The following DENND2B variants were observed in gnomAD, a reference collection of about 807,000 sequenced individuals.
DENND2B encodes DENN domain containing 2B, also known as DENN domain-containing protein 2B.
DENND2B carries 32 observed loss-of-function variants against 116.0 expected under a neutral mutation model. That is an observed-to-expected ratio of 0.28 (90% CI 0.21 to 0.37). DENND2B has a LOEUF of 0.37. Ranked by LOEUF, DENND2B falls within the 10% of genes least tolerant of loss-of-function variation. The probability of loss-of-function intolerance (pLI) is 1.00; values close to 1 mark genes in which losing one functional copy is unlikely to be tolerated. For synonymous variants in DENND2B, 588 were observed against 583.9 expected (o/e 1.01, Z -0.10); for missense variants, 1,276 against 1,477.7 (o/e 0.86, Z 2.24).
chr11:8,708,614 G>A (rs2043026827), intron 11 of DENND2B, among the ~76,000 whole-genome samples: 1 of 152,180 alleles, frequency 6.6e-6, no homozygotes, highest in Non-Finnish European at 1.5e-5. Flanking sequence ...ACACTGGGTA[G>A]AGGTTTGCTA....
intron 1 of DENND2B, among the ~76,000 whole-genome samples, chr11:8,886,498 C>T (rs1401020898): frequency 6.6e-6 from 1 of 151,710 alleles, no homozygotes; most frequent in African/African-American, 2.4e-5. Flanking sequence ...TGAAATTGTG[C>T]CAAGGCTACA....
chr11:8,838,398 G>A (rs565808658), intron 4 of DENND2B, among the ~76,000 whole-genome samples: 1 of 152,162 alleles, frequency 6.6e-6, no homozygotes, highest in East Asian at 1.9e-4. Flanking sequence ...CCGAACTCAC[G>A]TCCACCGCTC....
chr11:8,695,334 T>A, intron 19 of DENND2B, 129 bp downstream of exon 19: 1 of 862,762 alleles, frequency 1.2e-6, no homozygotes, highest in Non-Finnish European at 1.9e-6. Context: ...ATGGGATGTC[T>A]ACATCCTGTT....
At chr11:8,757,154 C>G (rs891906372) in intron 1 of DENND2B, 1 of 452,744 alleles carries the variant, frequency 2.2e-6, no homozygotes, top group African/African-American at 2.0e-5. Flanking sequence ...CTGACAACTG[C>G]TAGTTATGTG....
chr11:8,869,972 A>G (rs2063719766), intron 2 of DENND2B, among the ~76,000 whole-genome samples: 1 of 152,196 alleles, frequency 6.6e-6, no homozygotes, highest in Admixed American at 6.5e-5. Flanking sequence ...TCTGAAAAAT[A>G]TTAAAACAAA....
At position 8,707,030 on chromosome 11, in the gene DENND2B, G is replaced by A; in HGVS notation, c.2571+55C>T. On this transcript the variant is annotated intron_variant, in intron 13 of 19. Transcript: ENST00000313726. The surrounding 1 kb of genome is among the most constrained non-coding windows in gnomAD (Gnocchi z 4.8). ...AAAGACTACGACCTTGGCCAGCATG[G>A]TCCTCCTGCCACCCCAGCCCGTAGC... 6.4e-7 allele frequency: 1 copy of A among 1,574,578 alleles called. No homozygotes were observed. Among genetic ancestry groups the A allele is most frequent in the Admixed American group, 1.7e-5 (1 of 57,390 alleles).
At chr11:8,776,054 C>T (rs748930811) in intron 1 of DENND2B, 69 of 352,730 alleles carry the variant, frequency 2.0e-4, no homozygotes, top group Admixed American at 7.7e-5. Context: ...TCTTCCTTCC[C>T]TCTTCAGCCA....
chr11:8,710,532 G>A (rs1057202676), intron 11 of DENND2B, among the ~76,000 whole-genome samples: 2 of 151,790 alleles, frequency 1.3e-5, no homozygotes, highest in African/African-American at 4.8e-5. Context: ...TGATCCCAAG[G>A]GAAATGACGA....
Position 8,702,484 on chromosome 11 carries a change from G to A in DENND2B, c.2720+88C>T, listed in dbSNP as rs1433047168. Reference sequence around the variant, plus strand: ...CCCCACTCCAGCACTGGTCTCCGGCGCCTGCTTAGGCTCCTGAACACTTGC... The same window carrying A: ...CCCCACTCCAGCACTGGTCTCCGGCACCTGCTTAGGCTCCTGAACACTTGC... On this transcript the variant is annotated intron_variant, in intron 14 of 19. Transcript: ENST00000313726. This position sits in a 1 kb window ranked among gnomAD's most constrained non-coding sequence, Gnocchi z 4.6. 7.6e-6 allele frequency: 12 copies of A among 1,570,118 alleles called. No individual in the cohort carries two copies. The Admixed American group carries it at 1.2e-4, about 16-fold the overall frequency.
At chr11:8,710,990 A>AT (rs772532079) in intron 10 of DENND2B, 76 bp from the exon 11 acceptor site, 1 of 1,588,730 alleles carries the variant, frequency 6.3e-7, no homozygotes, top group South Asian at 1.1e-5. Context: ...AGGGACCGTC[A>AT]TTTTCACGTG....
intron 1 of DENND2B, among the ~76,000 whole-genome samples, chr11:8,793,440 T>G (rs1204398179): frequency 6.6e-6 from 1 of 152,242 alleles, no homozygotes; most frequent in African/African-American, 2.4e-5. Flanking sequence ...TCACAAAATA[T>G]TTGTGCTTTT....
intron 2 of DENND2B, among the ~76,000 whole-genome samples, chr11:8,863,346 T>TCCCAGGTTCACACCATCCTCCTGC (rs543669262): frequency 2.5e-5 from 2 of 81,266 alleles, no homozygotes; most frequent in African/African-American, 9.0e-5. Context: ...AAGCTCCACC[T>TCCCAGGTTCACACCATCCTCCTGC]CTCAGCCTCC....
chr11:8,833,631 G>A (rs1219777354), intron 4 of DENND2B, among the ~76,000 whole-genome samples: 2 of 152,086 alleles, frequency 1.3e-5, no homozygotes, highest in Non-Finnish European at 2.9e-5. Context: ...GATAACAGGA[G>A]GCACAGAGTT....
At chr11:8,838,482 A>G (rs2062512790) in intron 4 of DENND2B, among the ~76,000 whole-genome samples, 1 of 152,240 alleles carries the variant, frequency 6.6e-6, no homozygotes, top group Non-Finnish European at 1.5e-5. Flanking sequence ...GAATCAAAAC[A>G]GTTTACTGCA....
chr11:8,773,986 A>G (rs1183321834), intron 1 of DENND2B: 1 of 412,524 alleles, frequency 2.4e-6, no homozygotes, highest in Non-Finnish European at 3.3e-6. Flanking sequence ...CTCTGCCTCT[A>G]CCAGCTATGA....
At chr11:8,722,778 C>T (rs1021327790) in intron 4 of DENND2B, among the ~76,000 whole-genome samples, 1 of 152,170 alleles carries the variant, frequency 6.6e-6, no homozygotes, top group Non-Finnish European at 1.5e-5. Context: ...CACCACCCCA[C>T]GAGGCCAAAG....
At chr11:8,877,258 C>T (rs1417522614) in intron 2 of DENND2B, among the ~76,000 whole-genome samples, 2 of 151,910 alleles carry the variant, frequency 1.3e-5, no homozygotes, top group Admixed American at 6.5e-5. Context: ...TGCCCACCAC[C>T]ATGCCCAGCT....
intron 2 of DENND2B, among the ~76,000 whole-genome samples, chr11:8,865,506 G>C (rs965550381): frequency 1.3e-5 from 2 of 152,062 alleles, no homozygotes; most frequent in African/African-American, 4.8e-5. Context: ...AGCTCAGCTT[G>C]TTTAGCCAGA....
chr11:8,844,471 T>C (rs970859986), intron 3 of DENND2B, among the ~76,000 whole-genome samples: 2 of 152,196 alleles, frequency 1.3e-5, no homozygotes, highest in Non-Finnish European at 2.9e-5. Flanking sequence ...CTCTCTTAAA[T>C]GAATCTAAAT....
Sources: gnomAD v4.1 joint callset for allele counts (sites outside exome capture counted in the v4.1 genomes callset) on GRCh38, gnomAD v4.1.1 for gene constraint, Gnocchi (gnomAD v3.1) non-coding constraint, MANE v1.5 for transcripts, NCBI Gene and HGNC (gene_info 2026-07-23, HGNC 2026-07-21) for gene names.